Variants in IGSF3 observed in about 807,000 individuals in gnomAD.
The protein encoded by IGSF3 is immunoglobulin superfamily member 3.
IGSF3 carries 23 observed loss-of-function variants against 114.4 expected under a neutral mutation model. That is an observed-to-expected ratio of 0.20 (90% confidence interval 0.14 to 0.28). The LOEUF is 0.28. Among genes scored for constraint, IGSF3 ranks in the 10% least tolerant of loss-of-function variants. The pLI is 1.00. For synonymous variants in IGSF3, 571 were observed against 645.2 expected (o/e 0.88, Z 1.74); for missense variants, 1,172 against 1,591.5 (o/e 0.74, Z 4.48).
intron 2 of IGSF3, among the ~76,000 whole-genome samples, chr1:116,619,523 A>G (rs1332283871): frequency 6.6e-6 from 1 of 152,234 alleles, no homozygotes; most frequent in African/African-American, 2.4e-5. Context: ...TCTGCCCCAC[A>G]AAGGGCTTCT....
Position 116,662,073 on chromosome 1 carries a change from ACT to A in IGSF3, c.43+4209_43+4210del, listed in dbSNP as rs1363038229. ...GTCAGCAATCTATCTTAGGCAAGTG[ACT>A]CTTTTTTTTTTTTTGAGACAGAGTT... On this transcript the variant is annotated intron_variant, in intron 2 of 10. Transcript: ENST00000369486. This position sits in a 1 kb window ranked among gnomAD's most constrained non-coding sequence, Gnocchi z 4.3. Among the ~76,000 whole-genome samples the A allele has an allele frequency of 7.5e-5, 11 of 146,962 alleles. No individual in the cohort carries two copies. The highest frequency in any genetic ancestry group is 6.8e-4 in the Admixed American group (10 of 14,738).
At chr1:116,581,628 G>A (rs1402251191) in intron 9 of IGSF3, among the ~76,000 whole-genome samples, 1 of 152,132 alleles carries the variant, frequency 6.6e-6, no homozygotes, top group Non-Finnish European at 1.5e-5. Context: ...GCTCTGCCAA[G>A]CCCCTCTGCA....
intron 5 of IGSF3, chr1:116,606,525 G>A (rs781615643): frequency 1.6e-5 from 20 of 1,255,782 alleles, no homozygotes; most frequent in Non-Finnish European, 2.2e-5. Context: ...TGGTGGTGCT[G>A]GGGGACTTTA....
rs971382217 is a variant in IGSF3, at chr1:116,582,021, C to T, written c.2849-2144G>A. On this transcript the variant is annotated intron_variant, in intron 9 of 10. Transcript: ENST00000369486. The surrounding 1 kb of genome is among the most constrained non-coding windows in gnomAD (Gnocchi z 4.7). ...TGGCCAGAGACCATCAGTTGAGCTC[C>T]TCAGAAACACCTCCTCCCTCTTCAA... is the stretch of plus-strand genomic sequence containing the variant. Among the ~76,000 whole-genome samples, 10 of 152,316 alleles carry T rather than the reference C, an allele frequency of 6.6e-5. No homozygotes were observed. Among genetic ancestry groups the T allele is most frequent in the Middle Eastern group, 6.8e-3 (2 of 294 alleles).
rs753418651 is a variant in IGSF3 at position 116,588,842 on chromosome 1, C to T, written c.2292G>A (p.Leu764=). Residue 764 remains leucine (L), a synonymous_variant, in exon 8 of 11, where the codon CTG becomes CTA. Coordinates refer to ENST00000369486, the MANE Select transcript of IGSF3 (RefSeq NM_001007237.3). The surrounding 1 kb of genome is among the most constrained non-coding windows in gnomAD (Gnocchi z 4.9). The part of the protein sequence containing the change: ...LQFERHVSGG[L]FSLTVQRAEV... Reference sequence around the variant, plus strand: ...CGGCTCTCTGGACGGTGAGGCTGAACAGGCCCCCCGACACATGCCTCTCAA... The same window carrying T: ...CGGCTCTCTGGACGGTGAGGCTGAATAGGCCCCCCGACACATGCCTCTCAA... The T allele has an allele frequency of 6.2e-7, 1 of 1,614,216 alleles. No homozygotes were observed.
chr1:116,616,528 C>T lies in IGSF3; in HGVS notation c.44-71G>A. The T allele has an allele frequency of 2.2e-6, 3 of 1,353,938 alleles. No individual in the cohort carries two copies. Among genetic ancestry groups the T allele is most frequent in the Non-Finnish European group, 3.1e-6 (3 of 983,042 alleles). 83.9% of individuals were successfully genotyped at this position (1,353,938 alleles called of 1,614,324 possible). ...ACCAAAATGCAAAGTAGCCAGCAAT[C>T]TCCAAAGGGTTTGTTATTTGTGTGA... On this transcript the variant is annotated intron_variant, in intron 2 of 10. Coordinates refer to ENST00000369486, the MANE Select transcript of IGSF3 (RefSeq NM_001007237.3). The surrounding 1 kb of genome is among the most constrained non-coding windows in gnomAD (Gnocchi z 6.6).
chr1:116,603,681 C>T lies in IGSF3; in HGVS notation c.1567G>A (p.Glu523Lys), dbSNP rs757708408. The T allele has an allele frequency of 5.0e-6, 8 of 1,613,940 alleles. No homozygotes were observed. The highest frequency in any genetic ancestry group is 3.3e-5 in the South Asian group (3 of 91,062). ...CGGCGCTCCCCAACAATCTGCCACTCGCCATCCACTGCCCGCACCCATTCA... is the reference window on the plus strand; with the variant it reads ...CGGCGCTCCCCAACAATCTGCCACTTGCCATCCACTGCCCGCACCCATTCA... ...VTEWVRAVDG[E>K]WQIVGERRAS... The change falls in exon 6 of 11, where the codon GAG becomes AAG. Residue 523 changes from glutamate (E) to lysine (K), a missense_variant. Glu to Lys is a moderately conservative substitution (Grantham distance 56). Around this residue, in one of 3 missense-constraint regions of IGSF3, gnomAD observed 736 missense variants for 1,042.0 expected, o/e 0.71. Coordinates refer to ENST00000369486, the MANE Select transcript of IGSF3 (RefSeq NM_001007237.3). This position sits in a 1 kb window ranked among gnomAD's most constrained non-coding sequence, Gnocchi z 7.1.
rs1661213117 is a variant in IGSF3 at position 116,616,246 on chromosome 1, G to T, written c.255C>A (p.Thr85=). The change falls in exon 3 of 11, where the codon ACC becomes ACA. Residue 85 remains threonine (T), a synonymous_variant. Transcript: ENST00000369486. This position sits in a 1 kb window ranked among gnomAD's most constrained non-coding sequence, Gnocchi z 6.6. ...AGATCTTCCCTCCGCGGACGCGCTG[G>T]GTGTAGATGGCATAGGGGAAGGAAG... is the stretch of plus-strand genomic sequence containing the variant. ...MDSSFPYAIY[T]QRVRGGKIFI... The T allele has an allele frequency of 2.5e-6, 4 of 1,612,680 alleles. No individual in the cohort carries two copies. The highest frequency in any genetic ancestry group is 3.4e-6 in the Non-Finnish European group (4 of 1,179,632).
At chr1:116,608,507 C>T (rs1006325207) in intron 4 of IGSF3, among the ~76,000 whole-genome samples, 176 bp from the exon 5 acceptor site, 1 of 152,112 alleles carries the variant, frequency 6.6e-6, no homozygotes, top group Non-Finnish European at 1.5e-5. Flanking sequence ...ATCTAAGGTC[C>T]AGAGAAACGC....
Position 116,579,285 on chromosome 1 carries a change from T to A in IGSF3, c.3334+107A>T. 1 of 1,379,482 alleles carries A rather than the reference T, an allele frequency of 7.2e-7. No individual in the cohort carries two copies. Among genetic ancestry groups the A allele is most frequent in the East Asian group, 2.3e-5 (1 of 42,920 alleles). The allele number at this position is 1,379,482 out of a possible 1,614,324, so 85.5% of individuals were successfully genotyped here. On this transcript the variant is annotated intron_variant, in intron 10 of 10. Transcript: ENST00000369486. The surrounding 1 kb of genome is among the most constrained non-coding windows in gnomAD (Gnocchi z 6.4). ...CTCAAATCCTACTAATAAATGCCCA[T>A]GACAGTTAAGAAAACTGTTTATTAA...
rs1014060354 is a variant in IGSF3, at chr1:116,636,235, C to T, written c.44-19778G>A. ...ACCATTCCTTCCCTGATCAAAGTTGCTTTCACAGGCATCTGTTCAGCTATC... is the reference window on the plus strand; with the variant it reads ...ACCATTCCTTCCCTGATCAAAGTTGTTTTCACAGGCATCTGTTCAGCTATC... On this transcript the variant is annotated intron_variant, in intron 2 of 10. Transcript: ENST00000369486. The surrounding 1 kb of genome is among the most constrained non-coding windows in gnomAD (Gnocchi z 4.5). Among the ~76,000 whole-genome samples, 2 of 152,228 alleles carry T rather than the reference C, an allele frequency of 1.3e-5. No individual in the cohort carries two copies. Among genetic ancestry groups the T allele is most frequent in the African/African-American group, 4.8e-5 (2 of 41,464 alleles).
rs183105260 is a variant in IGSF3 at position 116,598,755 on chromosome 1, C to T, written c.2029+1186G>A. Among the ~76,000 whole-genome samples the T allele has an allele frequency of 3.2e-4, 49 of 152,246 alleles. No individual in the cohort carries two copies. Among genetic ancestry groups the T allele is most frequent in the African/African-American group, 1.2e-3 (49 of 41,534 alleles). Reference sequence around the variant, plus strand: ...TGTTCCAGCCGAGGCATGGGCTGGGCGAGGGAAGGAACACGGGAGCCTACT... The same window carrying T: ...TGTTCCAGCCGAGGCATGGGCTGGGTGAGGGAAGGAACACGGGAGCCTACT... On this transcript the variant is annotated intron_variant, in intron 7 of 10. Coordinates refer to ENST00000369486, the MANE Select transcript of IGSF3 (RefSeq NM_001007237.3). This position sits in a 1 kb window ranked among gnomAD's most constrained non-coding sequence, Gnocchi z 4.3.
At chr1:116,631,348 G>A (rs1647577949) in intron 2 of IGSF3, among the ~76,000 whole-genome samples, 1 of 151,122 alleles carries the variant, frequency 6.6e-6, no homozygotes, top group Non-Finnish European at 1.5e-5. Context: ...AAAAGAGCAT[G>A]GGCTTTGAAC....
At chr1:116,608,541 AAAC>A (rs1296987519) in intron 4 of IGSF3, among the ~76,000 whole-genome samples, 4 of 152,186 alleles carry the variant, frequency 2.6e-5, no homozygotes, top group Non-Finnish European at 5.9e-5. Context: ...AGAGAATTCA[AAAC>A]TACTTCAGCC....
intron 7 of IGSF3, among the ~76,000 whole-genome samples, chr1:116,590,423 T>A (rs77023283): frequency 6.6e-6 from 1 of 151,776 alleles, no homozygotes; most frequent in Admixed American, 6.6e-5. Context: ...GAACTAATAG[T>A]ACAAGAATTG....
Position 116,634,346 on chromosome 1 carries a change from A to G in IGSF3, c.44-17889T>C, listed in dbSNP as rs1022632493. Among the ~76,000 whole-genome samples the G allele has an allele frequency of 3.3e-5, 5 of 152,226 alleles. No individual in the cohort carries two copies. Among genetic ancestry groups the G allele is most frequent in the Non-Finnish European group, 7.3e-5 (5 of 68,044 alleles). On this transcript the variant is annotated intron_variant, in intron 2 of 10. Coordinates refer to ENST00000369486, the MANE Select transcript of IGSF3 (RefSeq NM_001007237.3). The surrounding 1 kb of genome is among the most constrained non-coding windows in gnomAD (Gnocchi z 4.2). ...TCCAGCTAGCGGAGAGAACAACTAA[A>G]AAACAAGAGCCACGTGTTCCCATGG... is the stretch of plus-strand genomic sequence containing the variant.
Position 116,666,962 on chromosome 1 carries a change from AC to A in IGSF3, c.-630-7del. 1 of 401,560 alleles carries A rather than the reference AC, an allele frequency of 2.5e-6. No individual in the cohort carries two copies. Among genetic ancestry groups the A allele is most frequent in the Non-Finnish European group, 4.4e-6 (1 of 228,306 alleles). The allele number at this position is 401,560 out of a possible 1,614,324, so 24.9% of individuals were successfully genotyped here. A position where few individuals can be genotyped will look rare whatever the true frequency, so the allele number is the denominator to read the frequency against. On this transcript the variant is annotated splice_polypyrimidine_tract_variant and splice_region_variant and intron_variant, in intron 1 of 10. Coordinates refer to ENST00000369486, the MANE Select transcript of IGSF3 (RefSeq NM_001007237.3). Reference sequence around the variant, plus strand: ...ACCCCAGCGCGAGCAGATTTCTAAAACAAACACAACAGAGATTTTTATCAAA... The same window carrying A: ...ACCCCAGCGCGAGCAGATTTCTAAAAAAACACAACAGAGATTTTTATCAAA...
Position 116,650,306 on chromosome 1 carries a change from TCAA to T in IGSF3, c.43+15975_43+15977del, listed in dbSNP as rs111269373. On this transcript the variant is annotated intron_variant, in intron 2 of 10. Transcript: ENST00000369486. This position sits in a 1 kb window ranked among gnomAD's most constrained non-coding sequence, Gnocchi z 5.0. The stretch of plus-strand genomic sequence containing the variant: ...TCCCATCTCTTCCCGTCTGCTGGCC[TCAA>T]CAAACCTGCTTTCCTCATTGCAACA... Among the ~76,000 whole-genome samples the T allele has an allele frequency of 2.3e-4, 35 of 152,332 alleles. No homozygotes were observed. The highest frequency in any genetic ancestry group is 8.2e-4 in the African/African-American group (34 of 41,584).
At chr1:116,617,443 T>C in intron 2 of IGSF3, 2 of 815,950 alleles carry the variant, frequency 2.5e-6, no homozygotes, top group South Asian at 1.1e-4. Context: ...CGCAGGTGAG[T>C]TACAGGCGCA....
Sources: allele counts gnomAD v4.1 joint callset (sites outside exome capture counted in the v4.1 genomes callset), GRCh38; gene constraint gnomAD v4.1.1; regional missense constraint gnomAD v4.1.1; non-coding constraint Gnocchi (gnomAD v3.1); transcripts MANE v1.5; gene names NCBI Gene and HGNC (gene_info 2026-07-23, HGNC 2026-07-21).